ARHGAP31: variants seen among roughly 807,000 people sequenced by gnomAD.
ARHGAP31 encodes Rho GTPase activating protein 31, also known as rho GTPase-activating protein 31.
Under a neutral mutation model 113.9 loss-of-function variants are expected in ARHGAP31, and 34 were observed. The ratio of observed to expected loss-of-function variants is 0.30; its 90% CI spans 0.23 to 0.40. The LOEUF (loss-of-function observed/expected upper bound fraction) is 0.40, where lower values mean the gene tolerates loss of function less well. Ranked by LOEUF, ARHGAP31 falls within the 10% of genes least tolerant of loss-of-function variation. ARHGAP31 has a pLI of 1.00. For synonymous variants in ARHGAP31, 650 were observed against 684.8 expected (o/e 0.95, Z 0.79); for missense variants, 1,548 against 1,767.1 (o/e 0.88, Z 2.22).
chr3:119,321,301 T>C (rs2079783365), intron 1 of ARHGAP31, among the ~76,000 whole-genome samples: 1 of 147,288 alleles, frequency 6.8e-6, no homozygotes. Context: ...ATATAGTATA[T>C]ATATATGTAT....
chr3:119,358,081 A>T (rs2080173717), intron 1 of ARHGAP31, among the ~76,000 whole-genome samples: 1 of 152,222 alleles, frequency 6.6e-6, no homozygotes, highest in Non-Finnish European at 1.5e-5. Context: ...AAGTGAAAAG[A>T]CCACCCACAG....
intron 1 of ARHGAP31, among the ~76,000 whole-genome samples, chr3:119,296,004 G>T (rs1036033362): frequency 6.6e-6 from 1 of 152,284 alleles, no homozygotes; most frequent in African/African-American, 2.4e-5. Context: ...TACTATATAG[G>T]CCATGTGTTT....
intron 1 of ARHGAP31, among the ~76,000 whole-genome samples, chr3:119,362,446 T>C (rs959705371): frequency 6.6e-6 from 1 of 152,096 alleles, no homozygotes; most frequent in Admixed American, 6.5e-5. Context: ...AAAAATGTGC[T>C]AAAGAAAGAC....
chr3:119,334,617 C>G (rs1458923437), intron 1 of ARHGAP31, among the ~76,000 whole-genome samples: 1 of 152,166 alleles, frequency 6.6e-6, no homozygotes, highest in Non-Finnish European at 1.5e-5. Flanking sequence ...ATTTCATCTG[C>G]ATGATAGGAA....
intron 6 of ARHGAP31, among the ~76,000 whole-genome samples, chr3:119,386,237 GT>G (rs1390566432): frequency 6.6e-6 from 1 of 152,070 alleles, no homozygotes; most frequent in African/African-American, 2.4e-5. Flanking sequence ...GATTTTAGAA[GT>G]TTTCTTAGTC....
chr3:119,314,623 T>C (rs2079713727), intron 1 of ARHGAP31: 1 of 152,498 alleles, frequency 6.6e-6, no homozygotes, highest in Admixed American at 6.5e-5. Flanking sequence ...TGTGTGCATC[T>C]GTCATGTGTC....
At position 119,414,172 on chromosome 3, in the gene ARHGAP31, A is replaced by G. The variant is rs1188120675; in HGVS notation, c.2243A>G (p.Asp748Gly). 6.8e-6 allele frequency: 11 copies of G among 1,614,030 alleles called. No individual in the cohort carries two copies. Among genetic ancestry groups the G allele is most frequent in the Non-Finnish European group, 9.3e-6 (11 of 1,179,990 alleles). The change falls in exon 12 of 12, where the codon GAC becomes GGC. Residue 748 changes from aspartate (D) to glycine (G), a missense_variant. Physicochemically the swap from Asp to Gly is moderately conservative, Grantham distance 94. Transcript: ENST00000264245. The stretch of plus-strand genomic sequence containing the variant: ...GAACCTGAGCAGGGCCTGCACCCAG[A>G]CCTCGCCAGCCTGGCTCCTCTGGAA... ...KPEPEQGLHPDLASLAPLEIV... is the reference protein window; with the variant it reads ...KPEPEQGLHPGLASLAPLEIV...
chr3:119,414,298 C>T lies in ARHGAP31; in HGVS notation c.2369C>T (p.Pro790Leu). 8.7e-6 allele frequency: 14 copies of T among 1,614,234 alleles called. No homozygotes were observed. Among genetic ancestry groups the T allele is most frequent in the African/African-American group, 1.3e-5 (1 of 75,062 alleles). ...CCACCTGCTCCTCCCCCTCCAACTCCTCTGGAGGAGTCAACTCCAGTCCTG... is the reference window on the plus strand; with the variant it reads ...CCACCTGCTCCTCCCCCTCCAACTCTTCTGGAGGAGTCAACTCCAGTCCTG... ...PLPPAPPPPT[P>L]LEESTPVLLS... The change falls in exon 12 of 12, where the codon CCT (proline) becomes CTT (leucine). Residue 790 changes from proline to leucine, a missense_variant. Transcript: ENST00000264245.
chr3:119,407,326 G>C (rs866999086), intron 10 of ARHGAP31, among the ~76,000 whole-genome samples: 2 of 139,968 alleles, frequency 1.4e-5, no homozygotes, highest in Non-Finnish European at 3.0e-5. Flanking sequence ...CAGCCTGGGC[G>C]ACAGAGCAAG....
intron 6 of ARHGAP31, among the ~76,000 whole-genome samples, chr3:119,386,960 G>A (rs868617515): frequency 6.6e-6 from 1 of 152,214 alleles, no homozygotes; most frequent in African/African-American, 2.4e-5. Context: ...GATGGAACAT[G>A]AAGGCAGACT....
intron 1 of ARHGAP31, among the ~76,000 whole-genome samples, chr3:119,327,373 G>A (rs1262398538): frequency 1.3e-5 from 2 of 151,280 alleles, no homozygotes; most frequent in Non-Finnish European, 1.5e-5. Context: ...GTGAAACCCC[G>A]TCTCTACTAA....
chr3:119,295,193 C>T (rs1015245592), intron 1 of ARHGAP31, among the ~76,000 whole-genome samples, 189 bp downstream of exon 1: 1 of 151,572 alleles, frequency 6.6e-6, no homozygotes, highest in Non-Finnish European at 1.5e-5. Context: ...GCGCTGCTGT[C>T]CCGACGCGCA....
At chr3:119,295,263 C>A (rs1040319600) in intron 1 of ARHGAP31, among the ~76,000 whole-genome samples, 4 of 151,820 alleles carry the variant, frequency 2.6e-5, no homozygotes, top group African/African-American at 9.7e-5. Context: ...GTGGTACTGC[C>A]GCAAGTTTAC....
intron 1 of ARHGAP31, among the ~76,000 whole-genome samples, chr3:119,337,095 A>T (rs1349515760): frequency 2.0e-5 from 3 of 152,188 alleles, no homozygotes; most frequent in Non-Finnish European, 4.4e-5. Context: ...GCTGTTGTGA[A>T]TAATGGTGCT....
intron 3 of ARHGAP31, among the ~76,000 whole-genome samples, chr3:119,378,978 G>A (rs1204579444): frequency 2.0e-5 from 3 of 152,246 alleles, no homozygotes; most frequent in South Asian, 2.1e-4. Flanking sequence ...CCAGTCCCAC[G>A]TTTCTCCCCA....
In ARHGAP31 at chr3:119,335,498, G is replaced by A. The variant is rs576844447; in HGVS notation, c.101-29818G>A. Among the ~76,000 whole-genome samples the A allele has an allele frequency of 7.9e-5, 12 of 152,276 alleles. No homozygotes were observed. The South Asian group carries it at 2.5e-3, about 32-fold the overall frequency. ...GAGCCCCTAGGCCAGGGCAGGCCAG[G>A]GGATGTCTGTGGAAATGCGTTCTCC... On this transcript the variant is annotated intron_variant, in intron 1 of 11. Coordinates refer to ENST00000264245, the MANE Select transcript of ARHGAP31 (RefSeq NM_020754.4).
chr3:119,375,280 C>T (rs573347021), intron 3 of ARHGAP31, among the ~76,000 whole-genome samples: 4 of 152,180 alleles, frequency 2.6e-5, no homozygotes, highest in Non-Finnish European at 5.9e-5. Context: ...CGTGCTCTCT[C>T]CAGAGGCTCT....
intron 1 of ARHGAP31, among the ~76,000 whole-genome samples, chr3:119,315,544 ACT>A (rs2079721857): frequency 6.6e-6 from 1 of 152,112 alleles, no homozygotes; most frequent in South Asian, 2.1e-4. Flanking sequence ...GCCTGTGATG[ACT>A]CTGCAAAGGC....
Position 119,402,275 on chromosome 3 carries a change from C to T in ARHGAP31, c.1523C>T (p.Pro508Leu). ...VSAVISTNST[P>L]CRTPPKELQS... ...GCAGTCATCAGCACCAACAGCACGCCGTGCAGAACACCCCCGAAGGAGCTG... is the reference window on the plus strand; with the variant it reads ...GCAGTCATCAGCACCAACAGCACGCTGTGCAGAACACCCCCGAAGGAGCTG... Residue 508 changes from proline (P) to leucine (L), a missense_variant, in exon 10 of 12, where the codon CCG becomes CTG. By Grantham distance (98) the Pro-to-Leu change is moderately conservative. Transcript: ENST00000264245. The T allele has an allele frequency of 1.2e-6, 2 of 1,614,276 alleles. No homozygotes were observed. Among genetic ancestry groups the T allele is most frequent in the South Asian group, 1.1e-5 (1 of 91,088 alleles).
Sources: gnomAD v4.1 joint callset for allele counts (sites outside exome capture counted in the v4.1 genomes callset) on GRCh38, gnomAD v4.1.1 for gene constraint, MANE v1.5 for transcripts, NCBI Gene and HGNC (gene_info 2026-07-23, HGNC 2026-07-21) for gene names.